The following ARHGAP9 variants were observed in gnomAD, a reference collection of about 807,000 sequenced individuals.
ARHGAP9 encodes rho GTPase-activating protein 9.
Under a neutral mutation model 87.3 loss-of-function variants are expected in ARHGAP9, and 76 were observed. That is an observed-to-expected ratio of 0.87 (90% CI 0.72 to 1.05). The LOEUF (loss-of-function observed/expected upper bound fraction) is 1.05, where lower values mean the gene tolerates loss of function less well. Among genes scored for constraint, ARHGAP9 ranks in the 50% least tolerant of loss-of-function variants. The pLI, the probability that ARHGAP9 is intolerant of heterozygous loss-of-function variation, is 0.00. For missense variants in ARHGAP9, 941 were observed against 960.5 expected (o/e 0.98, Z 0.27); for synonymous variants, 382 against 394.9 (o/e 0.97, Z 0.39).
At chr12:57,488,637 TGGGTGACTCTTA>T in exon 1 of ARHGAP9, 1 of 1,551,032 alleles carries the variant, frequency 6.4e-7, no homozygotes, top group Non-Finnish European at 8.7e-7. Context: ...GCCGATTGTT[TGGGTGACTCTTA>T]GGAGGTTCTC....
chr12:57,475,301 A>G lies in ARHGAP9; in HGVS notation c.1542T>C (p.Gly514=). Residue 514 remains glycine (G), a synonymous_variant, in exon 12 of 18, where the codon GGT becomes GGC. Coordinates refer to ENST00000393791, the MANE Select transcript of ARHGAP9 (RefSeq NM_032496.4). ...GCCCAGCCCCCTCACCTCGGAGCAG[A>G]CCCCGCTCCTGCAGGCTTTGTAAGG... ...RPPLQSLQER[G]LLRDQVFGCQ... is the part of the protein sequence containing the mutation. The G allele has an allele frequency of 6.3e-7, 1 of 1,593,802 alleles. No homozygotes were observed. The highest frequency in any genetic ancestry group is 1.1e-5 in the South Asian group (1 of 88,070).
At chr12:57,473,924 C>G in intron 16 of ARHGAP9, 118 bp downstream of exon 16, 1 of 1,433,332 alleles carries the variant, frequency 7.0e-7, no homozygotes, top group Non-Finnish European at 9.2e-7. Context: ...CTGAGTTGAA[C>G]ATTATTTTCC....
At chr12:57,488,527 C>G in intron 1 of ARHGAP9, 1 of 1,519,676 alleles carries the variant, frequency 6.6e-7, no homozygotes. Flanking sequence ...TAGTTACTAG[C>G]ATGACAGCCC....
At chr12:57,477,719 C>T in intron 3 of ARHGAP9, 39 bp from the exon 4 acceptor site, 1 of 1,605,536 alleles carries the variant, frequency 6.2e-7, no homozygotes, top group Middle Eastern at 1.7e-4. Context: ...GTCATTCTGC[C>T]TGTTGCCCTT....
At chr12:57,480,939 C>T, upstream of ARHGAP9, 1 of 1,079,230 alleles carries the variant, frequency 9.3e-7, no homozygotes. Context: ...TAGTACTGGG[C>T]TTCTGCCTCA....
At chr12:57,488,471 C>A in intron 1 of ARHGAP9, 1 of 1,244,426 alleles carries the variant, frequency 8.0e-7, no homozygotes, top group South Asian at 1.3e-5. Context: ...CTGCTCTTCC[C>A]TTCCCAACCT....
Position 57,475,230 on chromosome 12 carries a change from A to G in ARHGAP9, c.1552+61T>C, listed in dbSNP as rs547261969. ...CAGAAGGTTGTGGTCTAGTTCTGGG[A>G]AGCTCTACTCTGAGCCTCGCTGGAG... On this transcript the variant is annotated intron_variant, in intron 12 of 17. Transcript: ENST00000393791. 1,466 of 1,481,742 alleles carry G rather than the reference A, an allele frequency of 9.9e-4. 1 individual carries two copies. Among genetic ancestry groups the G allele is most frequent in the Non-Finnish European group, 1.2e-3 (1,317 of 1,093,848 alleles). The allele number at this position is 1,481,742 out of a possible 1,614,324, so 91.8% of individuals were successfully genotyped here.
chr12:57,475,452 C>CT, intron 11 of ARHGAP9, 31 bp downstream of exon 11: 1 of 1,579,434 alleles, frequency 6.3e-7, no homozygotes, highest in Non-Finnish European at 8.6e-7. Flanking sequence ...CGCTGCGCTC[C>CT]CGGACTCTCC....
rs1875676428 is a variant in ARHGAP9 at position 57,488,780 on chromosome 12, C to T, written c.-372G>A. The T allele has an allele frequency of 2.7e-5, 26 of 949,638 alleles. No homozygotes were observed. In the South Asian group the frequency reaches 3.9e-4, roughly 14 times the overall value. The allele number at this position is 949,638 out of a possible 1,614,324, so 58.8% of individuals were successfully genotyped here. ...GGCTGCAGCACTATCCCAATACCACCACCTCCTCTGCAGTCCCCATCTGTT... is the reference window on the plus strand; with the variant it reads ...GGCTGCAGCACTATCCCAATACCACTACCTCCTCTGCAGTCCCCATCTGTT... On this transcript the variant is annotated 5_prime_UTR_variant, in exon 1 of 21. Coordinates refer to the ARHGAP9 transcript ENST00000393797.
chr12:57,485,003 T>A (rs1875291732), intron 1 of ARHGAP9, among the ~76,000 whole-genome samples: 1 of 150,876 alleles, frequency 6.6e-6, no homozygotes, highest in Non-Finnish European at 1.5e-5. Flanking sequence ...TGGAGTGCAA[T>A]GGCACGATCT....
At chr12:57,477,894 C>T in intron 3 of ARHGAP9, 2 of 1,354,132 alleles carry the variant, frequency 1.5e-6, no homozygotes, top group Admixed American at 2.9e-5. Flanking sequence ...CTCCTCACTT[C>T]CTGTTGCCAA....
Position 57,474,661 on chromosome 12 carries a change from G to A in ARHGAP9, c.1694C>T (p.Ala565Val), listed in dbSNP as rs748556613. 6.2e-7 allele frequency: 1 copy of A among 1,614,174 alleles called. No homozygotes were observed. Among genetic ancestry groups the A allele is most frequent in the Non-Finnish European group, 8.5e-7 (1 of 1,180,040 alleles). Residue 565 changes from alanine to valine, a missense_variant, in exon 14 of 18, where the codon GCA becomes GTA. Ala to Val is a moderately conservative substitution (Grantham distance 64). Coordinates refer to ENST00000393791, the MANE Select transcript of ARHGAP9 (RefSeq NM_032496.4). Reference sequence around the variant, plus strand: ...CAGAAAGCGAAGCTTCTGGACCACTGCCAAGTTCCCGCTCACCCGATAAAT... The same window carrying A: ...CAGAAAGCGAAGCTTCTGGACCACTACCAAGTTCCCGCTCACCCGATAAAT... ...DGIYRVSGNL[A>V]VVQKLRFLVD...
chr12:57,486,274 ATT>A (rs560380333), intron 1 of ARHGAP9, among the ~76,000 whole-genome samples: 1 of 146,036 alleles, frequency 6.8e-6, no homozygotes. Context: ...TTGAATCTCA[ATT>A]TTTTTTTTTT....
At chr12:57,475,767 C>A in intron 10 of ARHGAP9, 66 bp downstream of exon 10, 3 of 1,580,674 alleles carry the variant, frequency 1.9e-6, no homozygotes, top group Admixed American at 3.6e-5. Context: ...TGACTCCTAT[C>A]GTTCCTACCC....
exon 1 of ARHGAP9, chr12:57,488,698 C>T: frequency 6.6e-7 from 1 of 1,504,580 alleles, no homozygotes. Context: ...TGTTCTCCCA[C>T]TGTGACCTTC....
At chr12:57,488,144 C>T (rs1875585401) in intron 1 of ARHGAP9, 1 of 1,614,150 alleles carries the variant, frequency 6.2e-7, no homozygotes, top group Non-Finnish European at 8.5e-7. Flanking sequence ...TGCTGGCCGC[C>T]GCCGGGAGAG....
In ARHGAP9 at chr12:57,475,576, C is replaced by T. The variant is rs750896703; in HGVS notation, c.1351G>A (p.Gly451Arg). The T allele has an allele frequency of 9.1e-5, 146 of 1,611,770 alleles. No homozygotes were observed. Among genetic ancestry groups the T allele is most frequent in the Non-Finnish European group, 1.2e-4 (139 of 1,179,302 alleles). The change falls in exon 11 of 18, where the codon GGA becomes AGA. Residue 451 changes from glycine to arginine, a missense_variant. Transcript: ENST00000393791. The stretch of plus-strand genomic sequence containing the variant: ...TCCCCGGCGCTCAGCTCCGCGGGTC[C>T]AGAGCCCGACAGACGCAGCTCCAGG... ...NPLELRLSGSGPAELSAGEDE... is the reference protein window; with the variant it reads ...NPLELRLSGSRPAELSAGEDE...
rs1433051721 is a variant in ARHGAP9 at position 57,474,125 on chromosome 12, G to A, written c.1835C>T (p.Thr612Ile). 1.9e-6 allele frequency: 3 copies of A among 1,614,094 alleles called. No individual in the cohort carries two copies. Among genetic ancestry groups the A allele is most frequent in the Non-Finnish European group, 2.5e-6 (3 of 1,180,036 alleles). The change falls in exon 16 of 18, where the codon ACC becomes ATC. Residue 612 changes from threonine to isoleucine, a missense_variant. By Grantham distance (89) the Thr-to-Ile change is moderately conservative (BLOSUM62 -1). Coordinates refer to ENST00000393791, the MANE Select transcript of ARHGAP9 (RefSeq NM_032496.4). ...CCGGAGAAAAAGCTTCAGGGCTCCGGTGACCACATGAATGTCATCCCACTC... is the reference window on the plus strand; with the variant it reads ...CCGGAGAAAAAGCTTCAGGGCTCCGATGACCACATGAATGTCATCCCACTC... The part of the protein sequence containing the change: ...STEWDDIHVV[T>I]GALKLFLREL...
chr12:57,474,815 G>A, intron 13 of ARHGAP9, 60 bp downstream of exon 13: 1 of 1,607,180 alleles, frequency 6.2e-7, no homozygotes, highest in Non-Finnish European at 8.5e-7. Flanking sequence ...AATGGGGGAG[G>A]CAGAAAATTC....
Sources: gnomAD v4.1 joint callset for allele counts (sites outside exome capture counted in the v4.1 genomes callset) on GRCh38, gnomAD v4.1.1 for gene constraint, MANE v1.5 for transcripts, NCBI Gene and HGNC (gene_info 2026-07-23, HGNC 2026-07-21) for gene names.